Variants in LRRTM4 observed in about 807,000 individuals in gnomAD.
LRRTM4 encodes the protein leucine-rich repeat transmembrane neuronal protein 4.
Under a neutral mutation model 47.6 loss-of-function variants are expected in LRRTM4, and 25 were observed. The observed-to-expected ratio is 0.53, with a 90% CI of 0.38 to 0.73. The LOEUF (loss-of-function observed/expected upper bound fraction) is 0.73, where lower values mean the gene tolerates loss of function less well. Ranked by LOEUF, LRRTM4 falls within the 30% of genes least tolerant of loss-of-function variation. LRRTM4 has a pLI of 0.00. For missense variants in LRRTM4, 638 were observed against 713.4 expected (o/e 0.89, Z 1.20); for synonymous variants, 311 against 269.5 (o/e 1.15, Z -1.51).
intron 3 of LRRTM4, among the ~76,000 whole-genome samples, chr2:77,353,576 GA>G (rs1671862578): frequency 6.6e-6 from 1 of 152,112 alleles, no homozygotes; most frequent in Non-Finnish European, 1.5e-5. Flanking sequence ...TATGTAGGGG[GA>G]TAATGACACC....
chr2:77,250,273 T>C (rs1675567730), intron 3 of LRRTM4, among the ~76,000 whole-genome samples: 1 of 152,190 alleles, frequency 6.6e-6, no homozygotes, highest in Non-Finnish European at 1.5e-5. Flanking sequence ...GAGTGGACCC[T>C]AATGTAAATT....
chr2:76,791,664 C>A (rs901933276), intron 3 of LRRTM4, among the ~76,000 whole-genome samples: 3 of 152,166 alleles, frequency 2.0e-5, no homozygotes, highest in Non-Finnish European at 4.4e-5. Flanking sequence ...CAGTTAAAGA[C>A]AATTTCAGTA....
intron 3 of LRRTM4, among the ~76,000 whole-genome samples, chr2:76,975,860 T>C (rs1331981880): frequency 1.3e-5 from 2 of 151,812 alleles, no homozygotes; most frequent in South Asian, 2.1e-4. Context: ...TTAAGTAATT[T>C]AGAAACAAGC....
At chr2:76,851,869 T>G (rs931382962) in intron 3 of LRRTM4, among the ~76,000 whole-genome samples, 2 of 151,496 alleles carry the variant, frequency 1.3e-5, no homozygotes, top group Non-Finnish European at 2.9e-5. Context: ...TGATCCTGAA[T>G]TATGCTAAAA....
Position 77,519,635 on chromosome 2 carries a change from G to C in LRRTM4, c.234C>G (p.Ser78=). The change falls in exon 3 of 4, where the codon TCC becomes TCG. Residue 78 remains serine, a synonymous_variant. Transcript: ENST00000409884. The surrounding 1 kb of genome is among the most constrained non-coding windows in gnomAD (Gnocchi z 4.6). ...LRFNSIQKLK[S]NQFAGLNQLI... ...GCTGGTTAAGGCCGGCAAACTGATT[G>C]GATTTGAGCTTCTGAATGCTGTTGA... is the stretch of plus-strand genomic sequence containing the variant. The C allele has an allele frequency of 1.2e-6, 2 of 1,613,454 alleles. No individual in the cohort carries two copies.
intron 3 of LRRTM4, among the ~76,000 whole-genome samples, chr2:76,849,401 C>T (rs368503970): frequency 4.6e-5 from 7 of 151,934 alleles, no homozygotes; most frequent in Middle Eastern, 3.4e-3. Context: ...TGCAAATGAA[C>T]GAAGGCTGAA....
chr2:77,010,755 A>G lies in LRRTM4; in HGVS notation c.1552-261839T>C, dbSNP rs73940228. Among the ~76,000 whole-genome samples the G allele has an allele frequency of 9.3e-3, 1,422 of 152,214 alleles. 21 individuals are homozygous for G. Among genetic ancestry groups the G allele is most frequent in the African/African-American group, 0.026 (1,075 of 41,544 alleles). ...AAAAAGTGGCTGATACTTAGATGATACTTGGAGAATATTTGTTAAATGAAT... is the reference window on the plus strand; with the variant it reads ...AAAAAGTGGCTGATACTTAGATGATGCTTGGAGAATATTTGTTAAATGAAT... On this transcript the variant is annotated intron_variant, in intron 3 of 3. Transcript: ENST00000409884.
intron 3 of LRRTM4, among the ~76,000 whole-genome samples, chr2:76,911,118 T>G (rs1184813295): frequency 6.6e-6 from 1 of 152,210 alleles, no homozygotes; most frequent in Non-Finnish European, 1.5e-5. Flanking sequence ...AACATATTTT[T>G]TGGTTTAATA....
At chr2:77,416,053 G>T (rs1245161929) in intron 3 of LRRTM4, among the ~76,000 whole-genome samples, 3 of 152,040 alleles carry the variant, frequency 2.0e-5, no homozygotes, top group Non-Finnish European at 4.4e-5. Context: ...GATGTAGTGT[G>T]AGGATATACA....
At chr2:77,158,150 C>G (rs186678205) in intron 3 of LRRTM4, among the ~76,000 whole-genome samples, 200 of 152,164 alleles carry the variant, frequency 1.3e-3, no homozygotes, top group African/African-American at 4.7e-3. Context: ...AGGCTTCTGG[C>G]CAACTTCTCT....
intron 3 of LRRTM4, among the ~76,000 whole-genome samples, chr2:76,838,255 T>C (rs1041211567): frequency 6.6e-6 from 1 of 151,938 alleles, no homozygotes; most frequent in Non-Finnish European, 1.5e-5. Flanking sequence ...CCATAAGAAA[T>C]AATTTTGGTT....
chr2:76,803,366 T>A (rs1038991700), intron 3 of LRRTM4, among the ~76,000 whole-genome samples: 1 of 152,106 alleles, frequency 6.6e-6, no homozygotes, highest in Non-Finnish European at 1.5e-5. Context: ...TTACTGATCA[T>A]CAGGGAAATG....
intron 3 of LRRTM4, among the ~76,000 whole-genome samples, chr2:76,966,816 A>G (rs111981153): frequency 0.01 from 1,554 of 151,450 alleles, 38 homozygotes; most frequent in African/African-American, 0.036. Flanking sequence ...CTCTTTGGGG[A>G]TTCTTAATAA....
chr2:76,922,130 A>G (rs1251366799), intron 3 of LRRTM4, among the ~76,000 whole-genome samples: 1 of 152,140 alleles, frequency 6.6e-6, no homozygotes, highest in Admixed American at 6.6e-5. Flanking sequence ...TTCCATGTGA[A>G]ATAAGCTAGA....
intron 3 of LRRTM4, among the ~76,000 whole-genome samples, chr2:76,939,685 A>G (rs746382918): frequency 1.4e-4 from 21 of 152,286 alleles, no homozygotes; most frequent in South Asian, 4.1e-4. Context: ...ACCCCAAATT[A>G]GCAGAATATT....
At chr2:77,192,120 T>C (rs117746785) in intron 3 of LRRTM4, among the ~76,000 whole-genome samples, 2 of 152,230 alleles carry the variant, frequency 1.3e-5, no homozygotes, top group East Asian at 3.9e-4. Context: ...AAATTTATAA[T>C]GCTGATTCTG....
chr2:77,122,857 A>G (rs903968938), intron 3 of LRRTM4, among the ~76,000 whole-genome samples: 1 of 151,880 alleles, frequency 6.6e-6, no homozygotes, highest in Non-Finnish European at 1.5e-5. Context: ...GCTTGAAAAT[A>G]CTATATGTGT....
chr2:77,200,333 T>C (rs145291716), intron 3 of LRRTM4, among the ~76,000 whole-genome samples: 1 of 152,278 alleles, frequency 6.6e-6, no homozygotes, highest in Non-Finnish European at 1.5e-5. Context: ...AATCAAAAGT[T>C]TAATTTTTCT....
At chr2:77,047,346 T>C (rs1487131087) in intron 3 of LRRTM4, among the ~76,000 whole-genome samples, 1 of 152,034 alleles carries the variant, frequency 6.6e-6, no homozygotes, top group African/African-American at 2.4e-5. Context: ...TGCAATATAT[T>C]AGTTTGCCAG....
Sources: allele counts gnomAD v4.1 joint callset (sites outside exome capture counted in the v4.1 genomes callset), GRCh38; gene constraint gnomAD v4.1.1; non-coding constraint Gnocchi (gnomAD v3.1); transcripts MANE v1.5; gene names NCBI Gene and HGNC (gene_info 2026-07-23, HGNC 2026-07-21).